ERG: variants seen among roughly 807,000 people sequenced by gnomAD.
The protein encoded by ERG is ETS transcription factor ERG.
Under a neutral mutation model 55.3 loss-of-function variants are expected in ERG, and 9 were observed. The observed-to-expected ratio is 0.16, with a 90% CI of 0.10 to 0.28. ERG has a LOEUF of 0.28. Among genes scored for constraint, ERG ranks in the 10% least tolerant of loss-of-function variants. The pLI, the probability that ERG is intolerant of heterozygous loss-of-function variation, is 1.00. For synonymous variants in ERG, 223 were observed against 237.3 expected (o/e 0.94, Z 0.55); for missense variants, 434 against 631.6 (o/e 0.69, Z 3.35).
chr21:38,550,009 TC>T (rs1336053413), intron 2 of ERG, among the ~76,000 whole-genome samples: 3 of 152,172 alleles, frequency 2.0e-5, no homozygotes, highest in Non-Finnish European at 4.4e-5. Context: ...CCTACATTCT[TC>T]CTGCATCCCC....
At chr21:38,457,085 A>T (rs2058996801) in intron 1 of ERG, among the ~76,000 whole-genome samples, 1 of 152,238 alleles carries the variant, frequency 6.6e-6, no homozygotes, top group South Asian at 2.1e-4. Context: ...TACTTACATC[A>T]CATCCAATAG....
At chr21:38,585,655 G>A (rs1297183273), upstream of ERG, among the ~76,000 whole-genome samples, 2 of 148,890 alleles carry the variant, frequency 1.3e-5, no homozygotes, top group Non-Finnish European at 3.0e-5. Context: ...ATTGTAAATG[G>A]CATCTGTTTC....
intron 9 of ERG, among the ~76,000 whole-genome samples, chr21:38,384,735 C>A (rs1601315557): frequency 6.6e-6 from 1 of 151,920 alleles, no homozygotes; most frequent in East Asian, 1.9e-4. Context: ...GAAGTAAACA[C>A]CATTATTTCT....
In ERG at chr21:38,381,885, C is replaced by A; in HGVS notation, c.*1518G>T. 2.8e-6 allele frequency: 3 copies of A among 1,063,528 alleles called. No individual in the cohort carries two copies. The highest frequency in any genetic ancestry group is 3.4e-6 in the Non-Finnish European group (3 of 878,124). The allele number at this position is 1,063,528 out of a possible 1,614,324, so 65.9% of individuals were successfully genotyped here. Reference sequence around the variant, plus strand: ...GGAGAGGCTGACGCCATTTGGGTGCCAAACATCCTATTTCCTTGGCTCTCC... The same window carrying A: ...GGAGAGGCTGACGCCATTTGGGTGCAAAACATCCTATTTCCTTGGCTCTCC... On this transcript the variant is annotated 3_prime_UTR_variant, in exon 10 of 10. Transcript: ENST00000288319.
chr21:38,541,615 TGA>T (rs1376614939), intron 2 of ERG, among the ~76,000 whole-genome samples: 1 of 152,244 alleles, frequency 6.6e-6, no homozygotes, highest in African/African-American at 2.4e-5. Context: ...AATTATTTTG[TGA>T]GTGATTTATG....
chr21:38,445,810 C>A (rs887505972), intron 1 of ERG, among the ~76,000 whole-genome samples, 189 bp from the exon 2 acceptor site: 2 of 151,940 alleles, frequency 1.3e-5, no homozygotes, highest in Non-Finnish European at 2.9e-5. Context: ...GTTAGAAATG[C>A]CAGCCTAGAA....
At chr21:38,457,435 CAAAA>C (rs11323156) in intron 1 of ERG, among the ~76,000 whole-genome samples, 7 of 140,102 alleles carry the variant, frequency 5.0e-5, no homozygotes, top group Non-Finnish European at 7.8e-5. Context: ...GACTCTGTCT[CAAAA>C]AAAAAAAAAA....
At chr21:38,436,081 G>A (rs1447213815) in intron 2 of ERG, among the ~76,000 whole-genome samples, 4 of 147,216 alleles carry the variant, frequency 2.7e-5, no homozygotes, top group Admixed American at 6.9e-5. Flanking sequence ...GTGCAATGGC[G>A]CGATCTCAGC....
chr21:38,434,654 T>A (rs540449253), intron 2 of ERG, among the ~76,000 whole-genome samples: 1 of 152,348 alleles, frequency 6.6e-6, no homozygotes, highest in African/African-American at 2.4e-5. Flanking sequence ...CTGACCTTGG[T>A]TGACCTTAGA....
At chr21:38,598,074 GATCTTGGACCA>G (rs913625773) in intron 1 of ERG, among the ~76,000 whole-genome samples, 5 of 152,152 alleles carry the variant, frequency 3.3e-5, no homozygotes, top group Admixed American at 2.0e-4. Flanking sequence ...GGAAAGCCCT[GATCTTGGACCA>G]GCCACGTCCT....
intron 2 of ERG, among the ~76,000 whole-genome samples, chr21:38,538,958 A>G (rs1372235926): frequency 6.6e-6 from 1 of 152,198 alleles, no homozygotes; most frequent in African/African-American, 2.4e-5. Context: ...CTAGGAAACC[A>G]GAGCAGCAGT....
At chr21:38,518,394 T>G (rs187388802) in intron 2 of ERG, among the ~76,000 whole-genome samples, 4 of 152,198 alleles carry the variant, frequency 2.6e-5, no homozygotes, top group Non-Finnish European at 2.9e-5. Flanking sequence ...TAGGTCAGAA[T>G]AGTGTTCATG....
chr21:38,613,271 A>G (rs1393180409), intron 1 of ERG, among the ~76,000 whole-genome samples: 1 of 152,238 alleles, frequency 6.6e-6, no homozygotes, highest in Non-Finnish European at 1.5e-5. Context: ...TTAGTCAGAC[A>G]TAGTTTTCTG....
At chr21:38,640,630 G>A (rs555356620) in intron 1 of ERG, among the ~76,000 whole-genome samples, 16 of 152,284 alleles carry the variant, frequency 1.1e-4, no homozygotes, top group East Asian at 7.7e-4. Flanking sequence ...CATGTAAGAT[G>A]TGCCTTTCAC....
intron 2 of ERG, among the ~76,000 whole-genome samples, chr21:38,533,636 T>G (rs2059687951): frequency 6.6e-6 from 1 of 152,262 alleles, no homozygotes; most frequent in South Asian, 2.1e-4. Flanking sequence ...TGTACAGTTA[T>G]TGCTTCTCTC....
rs571593454 is a variant in ERG at position 38,425,970 on chromosome 21, A to C, written c.237-2409T>G. ...TTGAAAATATAGGTTTGTTCTCAGC[A>C]TCACTTACAAATGTGTCTGAAGCCT... On this transcript the variant is annotated intron_variant, in intron 2 of 9. Coordinates refer to ENST00000288319, the MANE Select transcript of ERG (RefSeq NM_182918.4). 7.9e-5 allele frequency among the ~76,000 whole-genome samples: 12 copies of C among 152,362 alleles called. 1 individual carries two copies. In the South Asian group the frequency reaches 1.4e-3, roughly 18 times the overall value.
rs749127945 is a variant in ERG, at chr21:38,380,276, G to A, written c.*3127C>T. 2.0e-5 allele frequency: 21 copies of A among 1,056,478 alleles called. No individual in the cohort carries two copies. The Admixed American group carries it at 2.7e-4, about 14-fold the overall frequency. The allele number at this position is 1,056,478 out of a possible 1,614,324, so 65.4% of individuals were successfully genotyped here. Reference sequence around the variant, plus strand: ...CCTGCTGTCAGAGGGCAGCTCCTCCGGCTCCTGCTCCTGGGTTGCAGGTGC... The same window carrying A: ...CCTGCTGTCAGAGGGCAGCTCCTCCAGCTCCTGCTCCTGGGTTGCAGGTGC... On this transcript the variant is annotated 3_prime_UTR_variant, in exon 10 of 10. Coordinates refer to ENST00000288319, the MANE Select transcript of ERG (RefSeq NM_182918.4).
At chr21:38,586,590 A>C (rs2060066805), upstream of ERG, among the ~76,000 whole-genome samples, 1 of 152,174 alleles carries the variant, frequency 6.6e-6, no homozygotes, top group African/African-American at 2.4e-5. Flanking sequence ...ATGTGGAAAA[A>C]GGGAACTCTT....
intron 3 of ERG, among the ~76,000 whole-genome samples, chr21:38,410,056 G>A (rs932448962): frequency 2.0e-5 from 3 of 152,108 alleles, no homozygotes; most frequent in African/African-American, 7.2e-5. Context: ...AAATGTTAGG[G>A]GAATAGAAAA....
Sources: gnomAD v4.1 joint callset for allele counts (sites outside exome capture counted in the v4.1 genomes callset) on GRCh38, gnomAD v4.1.1 for gene constraint, MANE v1.5 for transcripts, NCBI Gene and HGNC (gene_info 2026-07-23, HGNC 2026-07-21) for gene names.